Variants in ZNF362 observed in about 807,000 individuals in gnomAD.
ZNF362 encodes rotund homolog.
Under a neutral mutation model 42.9 loss-of-function variants are expected in ZNF362, and 11 were observed. That is an observed-to-expected ratio of 0.26 (90% CI 0.16 to 0.42). The LOEUF (loss-of-function observed/expected upper bound fraction) is 0.42. Ranked by LOEUF, ZNF362 falls within the 20% of genes least tolerant of loss-of-function variation. ZNF362 has a pLI of 1.00. For missense variants in ZNF362, 362 were observed against 576.2 expected (o/e 0.63, Z 3.81); for synonymous variants, 255 against 257.3 (o/e 0.99, Z 0.09).
the ZNF362 span, among the ~76,000 whole-genome samples, chr1:33,180,120 T>G: frequency 1.3e-5 from 2 of 152,138 alleles, no homozygotes; most frequent in Admixed American, 1.3e-4. Context: ...GGGAGACCGA[T>G]TAGAGTTCTA....
the ZNF362 span, among the ~76,000 whole-genome samples, chr1:33,135,303 C>A: frequency 6.6e-6 from 1 of 151,978 alleles, no homozygotes. Context: ...AACAAACAAA[C>A]AAACAAACCA....
chr1:33,186,521 T>G, the ZNF362 span, among the ~76,000 whole-genome samples: 1 of 151,046 alleles, frequency 6.6e-6, no homozygotes, highest in Admixed American at 6.6e-5. Flanking sequence ...AAAACAAAGT[T>G]GTGGCTGGGT....
At chr1:33,205,915 C>CA in the ZNF362 span, among the ~76,000 whole-genome samples, 1,106 of 137,606 alleles carry the variant, frequency 8.0e-3, 10 homozygotes, top group African/African-American at 0.025. Context: ...GACTCTGTCT[C>CA]AAAAAAAAAA....
chr1:33,292,527 C>A (rs975336179), intron 6 of ZNF362, among the ~76,000 whole-genome samples: 1 of 152,132 alleles, frequency 6.6e-6, no homozygotes, highest in Non-Finnish European at 1.5e-5. Flanking sequence ...GTCTAAAATT[C>A]TCTTTTTTTT....
the ZNF362 span, among the ~76,000 whole-genome samples, chr1:33,228,751 TCCCTGCTTC>T: frequency 3.3e-5 from 5 of 152,246 alleles, no homozygotes; most frequent in Middle Eastern, 0.01. Flanking sequence ...CTAACAGACC[TCCCTGCTTC>T]CAACTTTGCC....
upstream of ZNF362, among the ~76,000 whole-genome samples, chr1:33,255,725 T>C (rs990744379): frequency 1.3e-5 from 2 of 151,658 alleles, no homozygotes; most frequent in Non-Finnish European, 2.9e-5. Context: ...TAGGGAGGGG[T>C]GGCTGGGCCT....
intron 2 of ZNF362, among the ~76,000 whole-genome samples, chr1:33,272,288 C>G (rs1361212440): frequency 1.3e-5 from 2 of 152,074 alleles, no homozygotes; most frequent in Non-Finnish European, 2.9e-5. Context: ...GCTTATGGCT[C>G]ACTTGTCTGC....
At chr1:33,190,366 G>A in the ZNF362 span, among the ~76,000 whole-genome samples, 2 of 152,152 alleles carry the variant, frequency 1.3e-5, no homozygotes, top group African/African-American at 4.8e-5. Flanking sequence ...TGATGGTTAA[G>A]TGCTGCTACC....
chr1:33,245,945 G>A, the ZNF362 span, among the ~76,000 whole-genome samples: 1 of 151,806 alleles, frequency 6.6e-6, no homozygotes, highest in East Asian at 1.9e-4. Context: ...ATCTCAAACA[G>A]AGAGAGAGAG....
chr1:33,177,093 GCACA>G, the ZNF362 span, among the ~76,000 whole-genome samples: 4 of 148,936 alleles, frequency 2.7e-5, no homozygotes, highest in South Asian at 8.5e-4. The surrounding 1 kb of genome is among the most constrained non-coding windows in gnomAD (Gnocchi z 4.1). Flanking sequence ...ATGCACAAAT[GCACA>G]CACATGCACA....
At chr1:33,178,764 A>G in the ZNF362 span, among the ~76,000 whole-genome samples, 1,211 of 152,352 alleles carry the variant, frequency 7.9e-3, 16 homozygotes, top group African/African-American at 0.028. Flanking sequence ...AGTGCACTAG[A>G]GAGTAAGCAA....
chr1:33,170,543 G>A, the ZNF362 span, among the ~76,000 whole-genome samples: 8 of 152,110 alleles, frequency 5.3e-5, no homozygotes, highest in African/African-American at 1.9e-4. Flanking sequence ...GCCCAAGGAT[G>A]AGGCTAGGCT....
chr1:33,205,042 C>G, the ZNF362 span, among the ~76,000 whole-genome samples: 4 of 152,028 alleles, frequency 2.6e-5, no homozygotes, highest in Non-Finnish European at 5.9e-5. Flanking sequence ...ATACCATGTT[C>G]TTAGATTAGA....
intron 7 of ZNF362, 28 bp downstream of exon 7, chr1:33,295,043 C>T (rs770999818): frequency 5.6e-6 from 9 of 1,613,630 alleles, no homozygotes; most frequent in Non-Finnish European, 7.6e-6. Context: ...TCCTGCCCAC[C>T]AGGTGCTCTG....
At chr1:33,202,349 C>A in the ZNF362 span, among the ~76,000 whole-genome samples, 1 of 152,124 alleles carries the variant, frequency 6.6e-6, no homozygotes, top group Non-Finnish European at 1.5e-5. Context: ...GTAATCCCAG[C>A]ACTTTGGGAG....
the ZNF362 span, among the ~76,000 whole-genome samples, chr1:33,233,407 T>A: frequency 7.9e-6 from 1 of 126,866 alleles, no homozygotes; most frequent in Non-Finnish European, 1.6e-5. Context: ...CTTCTCACAC[T>A]TTTTTTTTTT....
chr1:33,135,553 C>T, the ZNF362 span, among the ~76,000 whole-genome samples: 8 of 152,172 alleles, frequency 5.3e-5, no homozygotes, highest in Non-Finnish European at 1.0e-4. Flanking sequence ...GGATGGCCCA[C>T]AGCCCATTGC....
the ZNF362 span, among the ~76,000 whole-genome samples, chr1:33,227,130 G>C: frequency 1.3e-5 from 2 of 152,140 alleles, no homozygotes; most frequent in Non-Finnish European, 2.9e-5. Context: ...GCACAATTCT[G>C]TAAATATACT....
chr1:33,238,169 A>G, the ZNF362 span, among the ~76,000 whole-genome samples: 1 of 151,744 alleles, frequency 6.6e-6, no homozygotes, highest in Non-Finnish European at 1.5e-5. Context: ...ATACAAAAAA[A>G]TTAGCCAGGC....
Sources: allele counts gnomAD v4.1 joint callset (sites outside exome capture counted in the v4.1 genomes callset), GRCh38; gene constraint gnomAD v4.1.1; non-coding constraint Gnocchi (gnomAD v3.1); transcripts MANE v1.5; gene names NCBI Gene and HGNC (gene_info 2026-07-23, HGNC 2026-07-21).